TLK1: variants seen among roughly 807,000 people sequenced by gnomAD.
The protein encoded by TLK1 is tousled like kinase 1, also known as serine/threonine-protein kinase tousled-like 1.
In TLK1, 24 loss-of-function variants were observed where a neutral mutation model predicts 105.3. The observed-to-expected ratio is 0.23, with a 90% CI of 0.17 to 0.32. The LOEUF (loss-of-function observed/expected upper bound fraction) is 0.32, where lower values mean the gene tolerates loss of function less well. Ranked by LOEUF, TLK1 falls within the 10% of genes least tolerant of loss-of-function variation. TLK1 has a pLI of 1.00. For missense variants in TLK1, 558 were observed against 910.5 expected (o/e 0.61, Z 4.98); for synonymous variants, 321 against 310.4 (o/e 1.03, Z -0.36).
At chr2:171,096,765 A>AG (rs929161049) in intron 2 of TLK1, among the ~76,000 whole-genome samples, 9 of 152,046 alleles carry the variant, frequency 5.9e-5, no homozygotes, top group African/African-American at 2.2e-4. Flanking sequence ...CTCAAAAAAA[A>AG]AAAAAAAATT....
At chr2:171,145,535 A>T (rs1575627100) in intron 1 of TLK1, among the ~76,000 whole-genome samples, 1 of 151,946 alleles carries the variant, frequency 6.6e-6, no homozygotes, top group African/African-American at 2.4e-5. Context: ...GGCTGCAGTG[A>T]GCCGAGATTG....
chr2:171,011,066 G>A (rs1041381621), intron 14 of TLK1, among the ~76,000 whole-genome samples: 1 of 152,100 alleles, frequency 6.6e-6, no homozygotes, highest in African/African-American at 2.4e-5. Flanking sequence ...GTGCAGTGGT[G>A]CAATCATAGC....
chr2:171,104,551 AC>A (rs1347770668), intron 2 of TLK1, among the ~76,000 whole-genome samples: 1 of 152,172 alleles, frequency 6.6e-6, no homozygotes, highest in Non-Finnish European at 1.5e-5. Context: ...AAGAGAAAAA[AC>A]ATCCTAAAAT....
intron 12 of TLK1, among the ~76,000 whole-genome samples, chr2:171,021,237 T>C (rs1161611166): frequency 6.8e-6 from 1 of 147,746 alleles, no homozygotes; most frequent in Non-Finnish European, 1.5e-5. Context: ...GTTTAAGAAT[T>C]CAACTGATTG....
intron 1 of TLK1, among the ~76,000 whole-genome samples, chr2:171,204,556 C>CAAAAA (rs77025747): frequency 9.4e-6 from 1 of 106,424 alleles, no homozygotes. Context: ...TTTGAGCATC[C>CAAAAA]AAAAAAAAAA....
chr2:171,122,046 A>G (rs1690674888), intron 1 of TLK1, among the ~76,000 whole-genome samples: 1 of 152,228 alleles, frequency 6.6e-6, no homozygotes, highest in South Asian at 2.1e-4. Flanking sequence ...TCCTGGGTTC[A>G]AGCGATTCTC....
intron 18 of TLK1, among the ~76,000 whole-genome samples, chr2:171,000,973 T>C (rs534797059): frequency 6.6e-6 from 1 of 152,328 alleles, no homozygotes; most frequent in Non-Finnish European, 1.5e-5. Context: ...TTTTAGCTCT[T>C]GAATTTCTCC....
At chr2:171,106,038 C>T (rs777475364) in intron 2 of TLK1, among the ~76,000 whole-genome samples, 4 of 152,176 alleles carry the variant, frequency 2.6e-5, no homozygotes, top group Non-Finnish European at 4.4e-5. Flanking sequence ...AAAAAAATTT[C>T]TCTCATTCAC....
At chr2:171,124,862 A>G (rs985084838) in intron 1 of TLK1, among the ~76,000 whole-genome samples, 2 of 152,180 alleles carry the variant, frequency 1.3e-5, no homozygotes, top group African/African-American at 4.8e-5. Context: ...TGCCACTTCA[A>G]ACTTGGAATT....
At chr2:171,055,259 T>A in intron 6 of TLK1, 87 bp from the exon 7 acceptor site, 1 of 789,344 alleles carries the variant, frequency 1.3e-6, no homozygotes, top group South Asian at 2.3e-5. Context: ...CAACAATTAC[T>A]TAACATTTCT....
chr2:171,055,846 T>G (rs1687475749), intron 6 of TLK1, among the ~76,000 whole-genome samples: 1 of 152,082 alleles, frequency 6.6e-6, no homozygotes, highest in Admixed American at 6.6e-5. Flanking sequence ...ACTCTGATTT[T>G]TAAAAATCTT....
intron 1 of TLK1, among the ~76,000 whole-genome samples, chr2:171,175,697 A>G (rs1692808244): frequency 6.6e-6 from 1 of 150,848 alleles, no homozygotes; most frequent in Admixed American, 6.6e-5. Context: ...CCCTCCTAGC[A>G]GTATTTGATT....
intron 11 of TLK1, among the ~76,000 whole-genome samples, chr2:171,042,557 G>GT (rs1686733588): frequency 6.6e-6 from 1 of 152,110 alleles, no homozygotes; most frequent in Non-Finnish European, 1.5e-5. Flanking sequence ...AAATGCTTGT[G>GT]TATTGTAATT....
Position 170,992,692 on chromosome 2 carries a change from A to G in TLK1, c.*1088T>C, listed in dbSNP as rs1683834313. On this transcript the variant is annotated 3_prime_UTR_variant, in exon 21 of 21. Coordinates refer to ENST00000431350, the MANE Select transcript of TLK1 (RefSeq NM_012290.5). ...ATTGTTAATGACTGTCTGCTTTTTA[A>G]TATCTATGATGTACAGTCAACTTGC... is the stretch of plus-strand genomic sequence containing the variant. 6.6e-6 allele frequency: 1 copy of G among 152,630 alleles called. No homozygotes were observed. The highest frequency in any genetic ancestry group is 2.1e-4 in the South Asian group (1 of 4,832). 9.5% of individuals were successfully genotyped at this position (152,630 alleles called of 1,614,324 possible).
intron 1 of TLK1, among the ~76,000 whole-genome samples, chr2:171,220,957 G>A (rs778990291): frequency 1.3e-4 from 20 of 152,102 alleles, no homozygotes; most frequent in Non-Finnish European, 2.4e-4. Context: ...AAGCCAAGGT[G>A]GGAGGATCGC....
chr2:171,070,120 T>A (rs980293057), intron 3 of TLK1, among the ~76,000 whole-genome samples: 1 of 152,124 alleles, frequency 6.6e-6, no homozygotes, highest in Non-Finnish European at 1.5e-5. Context: ...TCTCTTACAG[T>A]AATAGGCCAT....
At chr2:171,088,943 A>G (rs928343415) in intron 2 of TLK1, among the ~76,000 whole-genome samples, 7 of 152,244 alleles carry the variant, frequency 4.6e-5, no homozygotes, top group Non-Finnish European at 8.8e-5. Flanking sequence ...CCCTGATCCT[A>G]TGATGATCTT....
rs201356345 is a variant in TLK1, at chr2:171,114,853, GAAGA to G, written c.258+2882_258+2885del. On this transcript the variant is annotated intron_variant, in intron 2 of 20. Transcript: ENST00000431350. Reference sequence around the variant, plus strand: ...CTGTCTCAGAGGGAAAAAAAAAGAAGAAGAAAGAAACTAAAAAAGGCAAGGAAAC... The same window carrying G: ...CTGTCTCAGAGGGAAAAAAAAAGAAGAAGAAACTAAAAAAGGCAAGGAAAC... Among the ~76,000 whole-genome samples the G allele has an allele frequency of 2.0e-4, 30 of 151,706 alleles. No individual in the cohort carries two copies. The East Asian group carries it at 4.1e-3, about 21-fold the overall frequency.
chr2:171,083,783 G>A (rs1171325690), intron 2 of TLK1, among the ~76,000 whole-genome samples: 1 of 152,092 alleles, frequency 6.6e-6, no homozygotes, highest in Non-Finnish European at 1.5e-5. Flanking sequence ...TACATGCCCA[G>A]TACTATGCTG....
Sources: gnomAD v4.1 joint callset for allele counts (sites outside exome capture counted in the v4.1 genomes callset) on GRCh38, gnomAD v4.1.1 for gene constraint, MANE v1.5 for transcripts, NCBI Gene and HGNC (gene_info 2026-07-23, HGNC 2026-07-21) for gene names.